The following DPP4 variants were observed in gnomAD, a reference collection of about 807,000 sequenced individuals.
DPP4 encodes the protein dipeptidyl peptidase 4, also known as ADCP-2.
DPP4 carries 93 observed loss-of-function variants against 122.4 expected under a neutral mutation model. The observed-to-expected ratio is 0.76, with a 90% confidence interval of 0.64 to 0.90. The LOEUF is 0.90. Ranked by LOEUF, DPP4 falls within the 40% of genes least tolerant of loss-of-function variation. DPP4 has a pLI of 0.00. For synonymous variants in DPP4, 321 were observed against 302.9 expected, an observed-to-expected ratio of 1.06 and a Z score of -0.62; for missense variants, 914 against 907.3, an observed-to-expected ratio of 1.01 and a Z score of -0.09.
rs1370596291 is a variant in DPP4, at chr2:162,007,069, AAC to A, written c.1988-1262_1988-1261del. On this transcript the variant is annotated intron_variant, in intron 22 of 25. Transcript: ENST00000360534. Reference sequence around the variant, plus strand: ...CAAAATATTGTCCTCCAAAATTACTAACAGTGATATTTTATCATTTTGATTAA... The same window carrying A: ...CAAAATATTGTCCTCCAAAATTACTAAGTGATATTTTATCATTTTGATTAA... Among the ~76,000 whole-genome samples the A allele has an allele frequency of 2.6e-5, 4 of 152,270 alleles. No individual in the cohort carries two copies. The East Asian group carries it at 7.7e-4, about 29-fold the overall frequency.
chr2:162,020,087 G>A (rs1198096592), intron 14 of DPP4, 142 bp downstream of exon 14: 11 of 668,134 alleles, frequency 1.6e-5, no homozygotes, highest in Admixed American at 6.2e-5. Context: ...TAAGGCTTCC[G>A]TATGTTAAAA....
At chr2:162,041,659 A>G (rs915323139) in intron 5 of DPP4, among the ~76,000 whole-genome samples, 2 of 152,174 alleles carry the variant, frequency 1.3e-5, no homozygotes, top group Non-Finnish European at 2.9e-5. Flanking sequence ...CACTAAAGCC[A>G]AAAGGTGTGG....
intron 22 of DPP4, among the ~76,000 whole-genome samples, chr2:162,006,166 G>C (rs1260579075): frequency 6.6e-6 from 1 of 152,148 alleles, no homozygotes; most frequent in Non-Finnish European, 1.5e-5. Context: ...ATGCAGAAAA[G>C]TCAAATGTGA....
Position 162,057,080 on chromosome 2 carries a change from C to T in DPP4, c.95-9579G>A, listed in dbSNP as rs1003964097. ...ATCAACAGCACCCATTCCCTAGGTCCCTGCCTGCCAAATCATCCTTAAAAA... is the reference window on the plus strand; with the variant it reads ...ATCAACAGCACCCATTCCCTAGGTCTCTGCCTGCCAAATCATCCTTAAAAA... On this transcript the variant is annotated intron_variant, in intron 2 of 25. Coordinates refer to ENST00000360534, the MANE Select transcript of DPP4 (RefSeq NM_001935.4). 4.0e-5 allele frequency among the ~76,000 whole-genome samples: 6 copies of T among 151,040 alleles called. No individual in the cohort carries two copies. The East Asian group carries it at 7.7e-4, about 20-fold the overall frequency.
chr2:162,007,612 T>TA (rs1429507811), intron 22 of DPP4, among the ~76,000 whole-genome samples: 2 of 152,076 alleles, frequency 1.3e-5, no homozygotes, highest in Admixed American at 6.6e-5. Flanking sequence ...TTTTTAAACT[T>TA]ACAAAGATTT....
chr2:162,035,539 G>A (rs1453453529), intron 8 of DPP4, among the ~76,000 whole-genome samples: 1 of 152,104 alleles, frequency 6.6e-6, no homozygotes, highest in African/African-American at 2.4e-5. Context: ...TAACCCGTTG[G>A]ACCATTTTAG....
chr2:161,995,059 A>G (rs1388846871), intron 24 of DPP4, 25 bp from the exon 25 acceptor site: 1 of 1,613,246 alleles, frequency 6.2e-7, no homozygotes, highest in Admixed American at 1.7e-5. Context: ...AGGAAACATA[A>G]AGTAGCTAAT....
intron 2 of DPP4, among the ~76,000 whole-genome samples, chr2:162,064,689 T>C (rs1041494996): frequency 2.0e-5 from 3 of 152,238 alleles, no homozygotes; most frequent in African/African-American, 7.2e-5. Flanking sequence ...GTTTCTTACC[T>C]GCTCTATTAT....
At chr2:162,064,762 A>T (rs1031212494) in intron 2 of DPP4, among the ~76,000 whole-genome samples, 1 of 152,202 alleles carries the variant, frequency 6.6e-6, no homozygotes, top group African/African-American at 2.4e-5. Flanking sequence ...TTTGGATGCC[A>T]AAAGAAAGAA....
chr2:162,047,361 G>T, intron 3 of DPP4, 42 bp downstream of exon 3: 3 of 1,159,672 alleles, frequency 2.6e-6, no homozygotes, highest in South Asian at 1.6e-5. Context: ...TAACTAGAAT[G>T]AATGTAAGCA....
chr2:162,045,978 G>A (rs1576062404), intron 4 of DPP4, among the ~76,000 whole-genome samples: 1 of 152,192 alleles, frequency 6.6e-6, no homozygotes, highest in South Asian at 2.1e-4. Context: ...TTTGTGGGGG[G>A]CGCTGGTGTC....
At chr2:162,032,477 G>A (rs866558816) in intron 10 of DPP4, among the ~76,000 whole-genome samples, 35 of 152,110 alleles carry the variant, frequency 2.3e-4, no homozygotes, top group African/African-American at 7.7e-4. Context: ...CATGAGTCAG[G>A]AGTTCGAGAC....
chr2:162,027,934 T>C (rs1559714142), intron 10 of DPP4, among the ~76,000 whole-genome samples: 1 of 152,090 alleles, frequency 6.6e-6, no homozygotes, highest in Non-Finnish European at 1.5e-5. Context: ...ACCCTGTGCA[T>C]GCTCAGCAAG....
chr2:162,024,965 C>G lies in DPP4; in HGVS notation c.888-26G>C, dbSNP rs73971534. ...CTGGAAGGAAGAAAGAAAGGAAGGACAGAGAGAGAGAATGAACATGACTAT... is the reference window on the plus strand; with the variant it reads ...CTGGAAGGAAGAAAGAAAGGAAGGAGAGAGAGAGAGAATGAACATGACTAT... On this transcript the variant is annotated intron_variant, in intron 10 of 25. Coordinates refer to ENST00000360534, the MANE Select transcript of DPP4 (RefSeq NM_001935.4). 7,339 of 1,608,418 alleles carry G rather than the reference C, an allele frequency of 4.6e-3. 278 individuals are homozygous for G. The African/African-American group carries it at 0.086, about 19-fold the overall frequency.
chr2:161,993,656 T>C (rs1700921787), intron 25 of DPP4, among the ~76,000 whole-genome samples: 1 of 152,152 alleles, frequency 6.6e-6, no homozygotes, highest in African/African-American at 2.4e-5. Context: ...CTTTATTGAA[T>C]AGTGCTTTAA....
intron 21 of DPP4, 68 bp from the exon 22 acceptor site, chr2:162,008,729 T>C: frequency 7.4e-7 from 1 of 1,354,694 alleles, no homozygotes; most frequent in Admixed American, 1.7e-5. Context: ...CGAGTCGCAG[T>C]TTCCACATTT....
intron 2 of DPP4, among the ~76,000 whole-genome samples, chr2:162,071,993 A>C (rs1685133603): frequency 6.6e-6 from 1 of 152,216 alleles, no homozygotes; most frequent in Admixed American, 6.5e-5. Flanking sequence ...GGAGAGAAAC[A>C]TACAGATTAT....
intron 16 of DPP4, chr2:162,017,480 T>C: frequency 4.2e-6 from 1 of 238,662 alleles, no homozygotes; most frequent in Non-Finnish European, 8.0e-6. Flanking sequence ...AAATGTGAGC[T>C]GACATCCTTC....
At chr2:162,033,862 G>GTGTATATATATATATA (rs1184597685) in intron 9 of DPP4, among the ~76,000 whole-genome samples, 55 of 104,018 alleles carry the variant, frequency 5.3e-4, no homozygotes, top group Non-Finnish European at 7.7e-4. Context: ...CAGAATATGT[G>GTGTATATATATATATA]TATATATATA....
Sources: allele counts gnomAD v4.1 joint callset (sites outside exome capture counted in the v4.1 genomes callset), GRCh38; gene constraint gnomAD v4.1.1; transcripts MANE v1.5; gene names NCBI Gene and HGNC (gene_info 2026-07-23, HGNC 2026-07-21).